The following ADAM17 variants were observed in gnomAD, a reference collection of about 807,000 sequenced individuals.
ADAM17 encodes ADAM metallopeptidase domain 17.
ADAM17 carries 39 observed loss-of-function variants against 96.7 expected under a neutral mutation model. That is an observed-to-expected ratio of 0.40 (90% CI 0.31 to 0.53). ADAM17 has a LOEUF of 0.53. ADAM17 is among the 20% of genes least tolerant of loss of function. ADAM17 has a pLI of 0.44. For synonymous variants in ADAM17, 344 were observed against 359.2 expected, an observed-to-expected ratio of 0.96 and a Z score of 0.48; for missense variants, 777 against 1,013.2, an observed-to-expected ratio of 0.77 and a Z score of 3.17.
chr2:9,541,728 G>A (rs1414210292), intron 2 of ADAM17, among the ~76,000 whole-genome samples: 2 of 152,136 alleles, frequency 1.3e-5, no homozygotes, highest in Non-Finnish European at 2.9e-5. Flanking sequence ...ACATAGTTGA[G>A]AAGGCTTGTC....
chr2:9,493,943 ATCTT>A, intron 15 of ADAM17, 118 bp from the exon 16 acceptor site: 1 of 764,274 alleles, frequency 1.3e-6, no homozygotes, highest in Non-Finnish European at 2.1e-6. Context: ...ACGTTTTCCC[ATCTT>A]TGACACAAGG....
At chr2:9,496,349 C>T (rs968225839) in intron 14 of ADAM17, 1 of 151,574 alleles carries the variant, frequency 6.6e-6, no homozygotes, top group African/African-American at 2.4e-5. Flanking sequence ...AAGCTGCTCT[C>T]AAACTCCTGA....
At chr2:9,548,018 T>C (rs1665457320) in intron 1 of ADAM17, among the ~76,000 whole-genome samples, 1 of 151,104 alleles carries the variant, frequency 6.6e-6, no homozygotes, top group African/African-American at 2.4e-5. Flanking sequence ...AGTGAGCTGA[T>C]ATCGTGCCAC....
chr2:9,516,090 C>T (rs1192225375), intron 10 of ADAM17, among the ~76,000 whole-genome samples: 1 of 152,128 alleles, frequency 6.6e-6, no homozygotes, highest in African/African-American at 2.4e-5. Context: ...TTGCAATTTC[C>T]TAATGACATA....
At chr2:9,498,696 T>C (rs781651125) in intron 13 of ADAM17, among the ~76,000 whole-genome samples, 13 of 152,234 alleles carry the variant, frequency 8.5e-5, no homozygotes, top group Non-Finnish European at 1.8e-4. Flanking sequence ...GCATTCATCA[T>C]GTCAACAGTC....
chr2:9,499,471 G>A lies in ADAM17; in HGVS notation c.1649-2223C>T, dbSNP rs191649183. Among the ~76,000 whole-genome samples the A allele has an allele frequency of 3.0e-4, 46 of 151,824 alleles. No homozygotes were observed. In the East Asian group the frequency reaches 8.3e-3, roughly 27 times the overall value. The stretch of plus-strand genomic sequence containing the variant: ...GGCTGGAGTGCAGTGGCGTGATCTC[G>A]GCTCACTGCAAGCTCCGCCTCCCGG... On this transcript the variant is annotated intron_variant, in intron 13 of 18. Coordinates refer to ENST00000310823, the MANE Select transcript of ADAM17 (RefSeq NM_003183.6).
intron 6 of ADAM17, among the ~76,000 whole-genome samples, chr2:9,523,916 C>G (rs1664413065): frequency 6.6e-6 from 1 of 151,236 alleles, no homozygotes; most frequent in African/African-American, 2.4e-5. Flanking sequence ...TGCTCTGTCA[C>G]CAGGGGTGCA....
At chr2:9,546,721 T>G (rs1665416403) in intron 1 of ADAM17, among the ~76,000 whole-genome samples, 1 of 150,592 alleles carries the variant, frequency 6.6e-6, no homozygotes, top group South Asian at 2.1e-4. Flanking sequence ...TATTCTTTTT[T>G]TTTTTTTGAA....
At chr2:9,548,640 C>G (rs1665488410) in intron 1 of ADAM17, among the ~76,000 whole-genome samples, 1 of 152,142 alleles carries the variant, frequency 6.6e-6, no homozygotes, top group African/African-American at 2.4e-5. Flanking sequence ...TCCTTATACA[C>G]AGTTGCAATT....
rs1394373815 is a variant in ADAM17 at position 9,497,230 on chromosome 2, G to A, written c.1667C>T (p.Pro556Leu). 7 of 1,613,964 alleles carry A rather than the reference G, an allele frequency of 4.3e-6. No individual in the cohort carries two copies. Among genetic ancestry groups the A allele is most frequent in the African/African-American group, 4.0e-5 (3 of 74,894 alleles). ...GTCATCTTCAGCATTTCCTGGAGGCGGGCACTCACTGCTATTACCTGGAAG... is the reference window on the plus strand; with the variant it reads ...GTCATCTTCAGCATTTCCTGGAGGCAGGCACTCACTGCTATTACCTGGAAG... ...SYCTGNSSECPPPGNAEDDTV... is the reference protein window; with the variant it reads ...SYCTGNSSECLPPGNAEDDTV... Residue 556 changes from proline (P) to leucine (L), a missense_variant, in exon 14 of 19, where the codon CCG (proline) becomes CTG (leucine). Transcript: ENST00000310823.
intron 1 of ADAM17, among the ~76,000 whole-genome samples, chr2:9,548,091 G>A (rs538227991): frequency 5.9e-5 from 9 of 151,336 alleles, no homozygotes; most frequent in African/African-American, 2.2e-4. Flanking sequence ...AAAAAAGAGA[G>A]AGAAAGCCAA....
Position 9,517,958 on chromosome 2 carries a change from GATATTTTTCTTCCCAACTGGGC to G in ADAM17, c.1112_1133del (p.Ser371ThrfsTer3). The G allele has an allele frequency of 6.2e-7, 1 of 1,604,556 alleles. No homozygotes were observed. Among genetic ancestry groups the G allele is most frequent in the Non-Finnish European group, 8.5e-7 (1 of 1,176,826 alleles). On this transcript the variant is annotated frameshift_variant, in exon 10 of 19. Coordinates refer to ENST00000310823, the MANE Select transcript of ADAM17 (RefSeq NM_003183.6). LOFTEE classifies it high-confidence loss of function. ...TGCTCGTCAAACCACTATTCAAATA[GATATTTTTCTTCCCAACTGGGC>G]TATAATAAGCTAAAGTCAAAAGGAA... is the stretch of plus-strand genomic sequence containing the variant.
In ADAM17 at chr2:9,535,906, C is replaced by A. The variant is rs1195237216; in HGVS notation, c.378G>T (p.Arg126Ser). The A allele has an allele frequency of 6.3e-7, 1 of 1,584,292 alleles. No homozygotes were observed. The part of the protein sequence containing the change: ...TGHVVGEPDS[R>S]VLAHIRDDDV... The stretch of plus-strand genomic sequence containing the variant: ...CATCATCTCTTATGTGGGCTAGAAC[C>A]CTAGAGTCAGGCTCACCTTAAGAGA... Residue 126 changes from arginine to serine, a missense_variant, in exon 4 of 19, where the codon AGG (arginine) becomes AGT (serine). Arg to Ser is a moderately radical substitution (Grantham distance 110). This residue lies in a region of ADAM17 where 446 missense variants were observed against 664.7 expected (regional missense o/e 0.67). Transcript: ENST00000310823.
At chr2:9,515,032 C>T (rs1286876100) in intron 10 of ADAM17, among the ~76,000 whole-genome samples, 1 of 152,284 alleles carries the variant, frequency 6.6e-6, no homozygotes, top group African/African-American at 2.4e-5. Flanking sequence ...TTTTAAATCA[C>T]CCAAAGTCCA....
Position 9,503,153 on chromosome 2 carries a change from G to C in ADAM17, c.1545-877C>G, listed in dbSNP as rs866254417. On this transcript the variant is annotated intron_variant, in intron 12 of 18. Transcript: ENST00000310823. ...AGACTCTCTCAAAAAAAAAAAAAAAGACAAGGAAAAAAAAAAAAGACAAGG... is the reference window on the plus strand; with the variant it reads ...AGACTCTCTCAAAAAAAAAAAAAAACACAAGGAAAAAAAAAAAAGACAAGG... 1.2e-3 allele frequency among the ~76,000 whole-genome samples: 164 copies of C among 135,228 alleles called. 1 individual carries two copies. The Middle Eastern group carries it at 0.015, about 13-fold the overall frequency. The allele number at this position is 135,228 out of a possible 152,430, so 88.7% of individuals were successfully genotyped here. A position where few individuals can be genotyped will look rare whatever the true frequency, so the allele number is the denominator to read the frequency against.
chr2:9,494,915 A>C, intron 14 of ADAM17, 148 bp from the exon 15 acceptor site: 1 of 919,580 alleles, frequency 1.1e-6, no homozygotes, highest in Non-Finnish European at 1.6e-6. Flanking sequence ...CATAGCCCCC[A>C]CCAAGGAGTA....
intron 1 of ADAM17, among the ~76,000 whole-genome samples, chr2:9,554,645 T>C (rs537210710): frequency 3.0e-4 from 45 of 152,198 alleles, no homozygotes; most frequent in Non-Finnish European, 6.3e-4. Context: ...TTAAAGTATC[T>C]TACACGTCAA....
At chr2:9,521,342 A>T in intron 7 of ADAM17, 26 bp from the exon 8 acceptor site, 4 of 1,468,720 alleles carry the variant, frequency 2.7e-6, no homozygotes, top group Non-Finnish European at 3.8e-6. Context: ...TCATATACTT[A>T]GAACACTTCC....
intron 10 of ADAM17, among the ~76,000 whole-genome samples, chr2:9,514,378 G>A (rs1478811329): frequency 7.9e-6 from 1 of 125,964 alleles, no homozygotes; most frequent in Non-Finnish European, 1.6e-5. Context: ...GAGGGGGAAG[G>A]GGGAAGGGAT....
Sources: gnomAD v4.1 joint callset for allele counts (sites outside exome capture counted in the v4.1 genomes callset) on GRCh38, gnomAD v4.1.1 for gene constraint, gnomAD v4.1.1 regional missense constraint, MANE v1.5 for transcripts, NCBI Gene and HGNC (gene_info 2026-07-23, HGNC 2026-07-21) for gene names.